Variants in ROBO2 observed in about 807,000 individuals in gnomAD.
ROBO2 encodes roundabout homolog 2.
Under a neutral mutation model 160.8 loss-of-function variants are expected in ROBO2, and 53 were observed. The ratio of observed to expected loss-of-function variants is 0.33; its 90% CI spans 0.26 to 0.41. The LOEUF (loss-of-function observed/expected upper bound fraction) is 0.41, where lower values mean the gene tolerates loss of function less well. ROBO2 is among the 10% of genes least tolerant of loss of function. The pLI, the probability that ROBO2 is intolerant of heterozygous loss-of-function variation, is 1.00. For synonymous variants in ROBO2, 664 were observed against 611.7 expected (o/e 1.09, Z -1.26); for missense variants, 1,577 against 1,722.4 (o/e 0.92, Z 1.49).
chr3:76,630,252 G>A (rs1049081634), intron 2 of ROBO2, among the ~76,000 whole-genome samples: 1 of 149,920 alleles, frequency 6.7e-6, no homozygotes, highest in Non-Finnish European at 1.5e-5. Context: ...GTCTGCATGA[G>A]TGTGGGTGTG....
At chr3:76,105,383 A>AATGGAAC (rs2069878111) in intron 2 of ROBO2, among the ~76,000 whole-genome samples, 1 of 152,154 alleles carries the variant, frequency 6.6e-6, no homozygotes, top group South Asian at 2.1e-4. Context: ...CAGCTTAAGA[A>AATGGAAC]ATGGAACATG....
intron 2 of ROBO2, among the ~76,000 whole-genome samples, chr3:76,057,356 G>A (rs149495976): frequency 6.6e-6 from 1 of 152,132 alleles, no homozygotes; most frequent in Non-Finnish European, 1.5e-5. Flanking sequence ...GAGGAACAAA[G>A]CTTCTTATGC....
chr3:76,910,928 A>G lies in ROBO2; in HGVS notation c.110-187086A>G, dbSNP rs2148930045. On this transcript the variant is annotated intron_variant, in intron 2 of 26. Transcript: ENST00000487694. Reference sequence around the variant, plus strand: ...TAAGTCCTTTTTTTGCTTCATTCGAATACATTAAGTACTCTACTTAAATAC... The same window carrying G: ...TAAGTCCTTTTTTTGCTTCATTCGAGTACATTAAGTACTCTACTTAAATAC... Among the ~76,000 whole-genome samples the G allele has an allele frequency of 1.3e-5, 2 of 152,114 alleles. 1 individual carries two copies. The highest frequency in any genetic ancestry group is 2.9e-5 in the Non-Finnish European group (2 of 67,998).
chr3:76,054,449 A>G (rs1172857185), intron 2 of ROBO2, among the ~76,000 whole-genome samples: 1 of 152,202 alleles, frequency 6.6e-6, no homozygotes, highest in Admixed American at 6.5e-5. Context: ...AACTAAAGTT[A>G]ACTATACCCC....
intron 2 of ROBO2, among the ~76,000 whole-genome samples, chr3:77,324,675 G>A (rs1372297459): frequency 6.6e-6 from 1 of 151,564 alleles, no homozygotes; most frequent in Admixed American, 6.6e-5. Context: ...CCAGCTACTC[G>A]GGAGGCTGAG....
At chr3:76,202,909 G>T (rs1702604849) in intron 2 of ROBO2, among the ~76,000 whole-genome samples, 1 of 151,934 alleles carries the variant, frequency 6.6e-6, no homozygotes, top group Admixed American at 6.6e-5. Flanking sequence ...GGCTCTCTAG[G>T]CAGAGTGACA....
intron 5 of ROBO2, among the ~76,000 whole-genome samples, chr3:77,502,918 T>C (rs1448455396): frequency 6.6e-6 from 1 of 152,188 alleles, no homozygotes; most frequent in Non-Finnish European, 1.5e-5. Flanking sequence ...TGTATACATC[T>C]AGAATGATGA....
At chr3:76,748,353 G>A (rs1211317012) in intron 2 of ROBO2, among the ~76,000 whole-genome samples, 1 of 151,544 alleles carries the variant, frequency 6.6e-6, no homozygotes, top group African/African-American at 2.4e-5. Context: ...TATGTATGAT[G>A]TTGATACATT....
chr3:76,833,039 G>A (rs1310821655), intron 2 of ROBO2, among the ~76,000 whole-genome samples: 5 of 152,108 alleles, frequency 3.3e-5, no homozygotes, highest in Admixed American at 1.3e-4. Flanking sequence ...AACATGGAGC[G>A]TGATAGGAAA....
At chr3:77,525,068 T>G (rs1260030035) in intron 6 of ROBO2, among the ~76,000 whole-genome samples, 1 of 151,342 alleles carries the variant, frequency 6.6e-6, no homozygotes, top group East Asian at 1.9e-4. Context: ...ACGACTTATT[T>G]TTTTTTCTTT....
chr3:77,355,400 T>G (rs533119314), intron 2 of ROBO2, among the ~76,000 whole-genome samples: 1 of 152,332 alleles, frequency 6.6e-6, no homozygotes, highest in South Asian at 2.1e-4. Context: ...CCAAGAGTTT[T>G]GAGTGGGGGA....
intron 2 of ROBO2, among the ~76,000 whole-genome samples, chr3:77,311,693 A>G (rs563975464): frequency 1.3e-5 from 2 of 152,342 alleles, no homozygotes; most frequent in Non-Finnish European, 2.9e-5. Context: ...GTATGTTAGT[A>G]GGATATGCTT....
At chr3:76,115,108 G>T (rs565000945) in intron 2 of ROBO2, among the ~76,000 whole-genome samples, 2 of 151,978 alleles carry the variant, frequency 1.3e-5, no homozygotes, top group Non-Finnish European at 2.9e-5. Context: ...ACTCAACTTC[G>T]CATAAATCAC....
chr3:76,910,660 A>C (rs1371250223), intron 2 of ROBO2, among the ~76,000 whole-genome samples: 1 of 131,840 alleles, frequency 7.6e-6, no homozygotes, highest in East Asian at 2.6e-4. Context: ...CAGCAGGCGG[A>C]GGTTGCAGTG....
intron 1 of ROBO2, among the ~76,000 whole-genome samples, chr3:77,086,236 T>G (rs761884422): frequency 2.0e-5 from 3 of 152,068 alleles, no homozygotes; most frequent in Non-Finnish European, 4.4e-5. Context: ...AAAAGAGTTA[T>G]ACATTATAAT....
At chr3:77,024,844 A>T (rs1276217806) in intron 2 of ROBO2, among the ~76,000 whole-genome samples, 3 of 152,192 alleles carry the variant, frequency 2.0e-5, no homozygotes, top group African/African-American at 7.2e-5. Flanking sequence ...AGTTAATTCC[A>T]TATTGGAGGG....
chr3:76,693,530 GA>G (rs1281806193), intron 2 of ROBO2, among the ~76,000 whole-genome samples: 6 of 151,698 alleles, frequency 4.0e-5, no homozygotes, highest in African/African-American at 1.5e-4. Flanking sequence ...AATTTATTGT[GA>G]AAATTGGCTC....
chr3:76,555,374 AG>A (rs2083669434), intron 2 of ROBO2, among the ~76,000 whole-genome samples: 1 of 52,224 alleles, frequency 1.9e-5, no homozygotes, highest in Non-Finnish European at 5.7e-5. Context: ...AAGAAGAAGA[AG>A]AAGAAGAAGA....
At position 76,030,543 on chromosome 3, in the gene ROBO2, A is replaced by C. The variant is rs563292116; in HGVS notation, c.109+92941A>C. On this transcript the variant is annotated intron_variant, in intron 2 of 26. Transcript: ENST00000487694. ...TAATCCATGTTGAATTAGTTTTTGT[A>C]TAAGGTGTAAGGAAGGGATCCAGTT... 6.6e-5 allele frequency among the ~76,000 whole-genome samples: 10 copies of C among 152,244 alleles called. No individual in the cohort carries two copies. In the South Asian group the frequency reaches 1.0e-3, roughly 16 times the overall value.
Sources: allele counts gnomAD v4.1 joint callset (sites outside exome capture counted in the v4.1 genomes callset), GRCh38; gene constraint gnomAD v4.1.1; transcripts MANE v1.5; gene names NCBI Gene and HGNC (gene_info 2026-07-23, HGNC 2026-07-21).